The following REPS2 variants were observed in gnomAD, a reference collection of about 807,000 sequenced individuals.
The protein encoded by REPS2 is RALBP1 associated Eps domain containing 2.
REPS2 carries 23 observed loss-of-function variants against 53.6 expected under a neutral mutation model. The ratio of observed to expected loss-of-function variants is 0.43; its 90% CI spans 0.31 to 0.61. The LOEUF is 0.61. REPS2 is among the 20% of genes least tolerant of loss of function. The pLI is 0.11. For synonymous variants in REPS2, 238 were observed against 218.6 expected (o/e 1.09, Z -0.78); for missense variants, 446 against 534.9 (o/e 0.83, Z 1.64).
intron 14 of REPS2, among the ~76,000 whole-genome samples, chrX:17,123,759 A>G (rs1422689672): frequency 8.9e-6 from 1 of 112,475 alleles, no homozygotes; most frequent in African/African-American, 3.2e-5. Context: ...TAGCGGTAAT[A>G]TCCAGTGGCA....
intron 7 of REPS2, 30 bp from the exon 8 acceptor site, chrX:17,054,778 G>A: frequency 8.3e-7 from 1 of 1,200,795 alleles, no homozygotes; most frequent in South Asian, 1.8e-5. Context: ...AAGCCCCATG[G>A]TAGGTACTCA....
chrX:17,050,197 T>TCTTTCTTTCTTC (rs773752476), intron 6 of REPS2, among the ~76,000 whole-genome samples: 8 of 46,153 alleles, frequency 1.7e-4, no homozygotes, highest in Non-Finnish European at 2.3e-4. Context: ...TTTCTTTCTT[T>TCTTTCTTTCTTC]TTTTTTTTTT....
rs747367284 is a variant in REPS2 at position 17,069,940 on chromosome X, C to T, written c.1280C>T (p.Ala427Val). Residue 427 changes from alanine to valine, a missense_variant and splice_region_variant, in exon 11 of 18, where the codon GCT becomes GTT. Transcript: ENST00000357277. ...NQDVTSDDKQALKSTINEALP... is the reference protein window; with the variant it reads ...NQDVTSDDKQVLKSTINEALP... Reference sequence around the variant, plus strand: ...TGCTTAAAAAACAAAACACAACTAGCTTTGAAAAGTACTATCAATGAAGCC... The same window carrying T: ...TGCTTAAAAAACAAAACACAACTAGTTTTGAAAAGTACTATCAATGAAGCC... 8.9e-7 allele frequency: 1 copy of T among 1,117,536 alleles called. No individual in the cohort carries two copies. The highest frequency in any genetic ancestry group is 3.2e-5 in the East Asian group (1 of 31,048). The allele number at this position is 1,117,536 out of a possible 1,213,427, so 92.1% of individuals were successfully genotyped here.
At position 17,117,948 on chromosome X, in the gene REPS2, C is replaced by CT. The variant is rs145872769; in HGVS notation, c.1578+14198dup. On this transcript the variant is annotated intron_variant, in intron 14 of 17. Coordinates refer to ENST00000357277, the MANE Select transcript of REPS2 (RefSeq NM_004726.3). Reference sequence around the variant, plus strand: ...CTCTCCAGCACCTGTTGTTTCCTGACTTTTTTTTTTTTTTTTTTTTTTTTT... The same window carrying CT: ...CTCTCCAGCACCTGTTGTTTCCTGACTTTTTTTTTTTTTTTTTTTTTTTTTT... Among the ~76,000 whole-genome samples, 80 of 31,010 alleles carry CT rather than the reference C, an allele frequency of 2.6e-3. 7 individuals carry two copies. Among genetic ancestry groups the CT allele is most frequent in the African/African-American group, 6.0e-3 (42 of 7,035 alleles). The allele number at this position is 31,010 out of a possible 115,157, so 26.9% of individuals were successfully genotyped here. A position where few individuals can be genotyped will look rare whatever the true frequency, so the allele number is the denominator to read the frequency against.
chrX:17,117,171 G>GT (rs1015583409), intron 14 of REPS2, among the ~76,000 whole-genome samples: 1 of 112,308 alleles, frequency 8.9e-6, no homozygotes, highest in Non-Finnish European at 1.9e-5. Context: ...CTTCATCTTG[G>GT]TTTTGCAGCT....
chrX:17,071,671 A>G (rs958089404), intron 11 of REPS2, among the ~76,000 whole-genome samples: 3 of 111,463 alleles, frequency 2.7e-5, no homozygotes, highest in Non-Finnish European at 3.8e-5. Flanking sequence ...GGGAGACACA[A>G]GCGTTTCAAG....
At chrX:17,037,228 C>G (rs1054483992) in intron 5 of REPS2, among the ~76,000 whole-genome samples, 1 of 111,823 alleles carries the variant, frequency 8.9e-6, no homozygotes, top group Non-Finnish European at 1.9e-5. Context: ...CATTTAATCT[C>G]AACTGATACT....
In REPS2 at chrX:16,947,051, GC is replaced by G. The variant is rs1336926111; in HGVS notation, c.195del (p.Gly66AlafsTer48). 3 of 1,021,451 alleles carry G rather than the reference GC, an allele frequency of 2.9e-6. No homozygotes were observed. Among genetic ancestry groups the G allele is most frequent in the South Asian group, 3.0e-5 (1 of 33,452 alleles). 84.2% of individuals were successfully genotyped at this position (1,021,451 alleles called of 1,213,427 possible). A position where few individuals can be genotyped will look rare whatever the true frequency, so the allele number is the denominator to read the frequency against. ...GSGPPEAARV[A>X]PGTATAAAGP... ...TGGGCCCCCCGAGGCCGCCAGAGTCGCCCCCGGCACGGCCACTGCGGCCGCC... is the reference window on the plus strand; with the variant it reads ...TGGGCCCCCCGAGGCCGCCAGAGTCGCCCCGGCACGGCCACTGCGGCCGCC... On this transcript the variant is annotated frameshift_variant, in exon 1 of 18. Transcript: ENST00000357277. LOFTEE classifies it high-confidence loss of function.
intron 14 of REPS2, among the ~76,000 whole-genome samples, chrX:17,121,607 A>G (rs762527665): frequency 8.9e-6 from 1 of 112,527 alleles, no homozygotes; most frequent in South Asian, 3.6e-4. Context: ...ATGGGGCCAT[A>G]TTTTTGAAGT....
At chrX:17,076,475 A>G (rs1052573814) in intron 12 of REPS2, among the ~76,000 whole-genome samples, 1 of 112,019 alleles carries the variant, frequency 8.9e-6, no homozygotes, top group African/African-American at 3.3e-5. Flanking sequence ...TCCAATAAAT[A>G]TTCTAGTTGC....
the REPS2 span, among the ~76,000 whole-genome samples, chrX:17,179,800 AG>A: frequency 1.9e-4 from 21 of 111,343 alleles, no homozygotes; most frequent in African/African-American, 6.2e-4. Context: ...TATGGCTGTA[AG>A]GGGAAAAAAA....
Position 17,148,964 on chromosome X carries a change from A to G in REPS2, c.*1483A>G, listed in dbSNP as rs2063542469. On this transcript the variant is annotated 3_prime_UTR_variant, in exon 18 of 18. Coordinates refer to ENST00000357277, the MANE Select transcript of REPS2 (RefSeq NM_004726.3). ...CTGAGAGCTTTTAGAACAAGCAGGC[A>G]TTTATTTAATGTTTCCTTAGTCCAT... 1 of 373,625 alleles carries G rather than the reference A, an allele frequency of 2.7e-6. No homozygotes were observed. The highest frequency in any genetic ancestry group is 2.5e-5 in the Admixed American group (1 of 39,307). 30.8% of individuals were successfully genotyped at this position (373,625 alleles called of 1,213,427 possible).
At chrX:16,965,472 G>C (rs1170089691) in intron 1 of REPS2, among the ~76,000 whole-genome samples, 1 of 110,922 alleles carries the variant, frequency 9.0e-6, no homozygotes, top group Admixed American at 9.3e-5. Context: ...TCTCAGACGG[G>C]GCAGCTGCCG....
At position 17,149,244 on chromosome X, in the gene REPS2, A is replaced by G. The variant is rs1487397430; in HGVS notation, c.*1763A>G. The stretch of plus-strand genomic sequence containing the variant: ...GAAGATTATGAATGGGTCAGCACAA[A>G]TTTTTAGGCAACTGCTTTTTCCATG... On this transcript the variant is annotated 3_prime_UTR_variant, in exon 18 of 18. Transcript: ENST00000357277. 1 of 180,836 alleles carries G rather than the reference A, an allele frequency of 5.5e-6. No individual in the cohort carries two copies. The highest frequency in any genetic ancestry group is 1.0e-5 in the Non-Finnish European group (1 of 97,102). 14.9% of individuals were successfully genotyped at this position (180,836 alleles called of 1,213,427 possible).
chrX:17,154,564 G>A (rs1361238488), downstream of REPS2, among the ~76,000 whole-genome samples: 1 of 112,489 alleles, frequency 8.9e-6, no homozygotes, highest in African/African-American at 3.2e-5. Flanking sequence ...GCTTACAGTT[G>A]TCCTGTTTTC....
chrX:16,965,920 C>T (rs2060758531), intron 1 of REPS2, among the ~76,000 whole-genome samples: 1 of 112,582 alleles, frequency 8.9e-6, no homozygotes, highest in Non-Finnish European at 1.9e-5. Flanking sequence ...CCAACCCGGC[C>T]AACACAGCGA....
intron 5 of REPS2, among the ~76,000 whole-genome samples, chrX:17,040,785 C>A (rs1346127487): frequency 8.9e-6 from 1 of 111,859 alleles, no homozygotes; most frequent in African/African-American, 3.3e-5. Context: ...GAATCAGCAT[C>A]CTGGTCCTAT....
chrX:17,095,449 T>C (rs1276792941), intron 13 of REPS2, among the ~76,000 whole-genome samples: 3 of 111,046 alleles, frequency 2.7e-5, no homozygotes, highest in African/African-American at 9.8e-5. Flanking sequence ...ATCTAGCATT[T>C]TGCTGGAGTG....
the REPS2 span, among the ~76,000 whole-genome samples, chrX:17,158,989 G>A: frequency 2.7e-5 from 3 of 112,248 alleles, no homozygotes; most frequent in Non-Finnish European, 5.6e-5. Flanking sequence ...ATGGCAGAAC[G>A]GCTGGTTATA....
Sources: allele counts gnomAD v4.1 joint callset (sites outside exome capture counted in the v4.1 genomes callset), GRCh38; gene constraint gnomAD v4.1.1; transcripts MANE v1.5; gene names NCBI Gene and HGNC (gene_info 2026-07-23, HGNC 2026-07-21).